Variants in CTNNA2 observed in about 807,000 individuals in gnomAD.
CTNNA2 encodes catenin alpha 2, also known as catenin alpha-2.
A neutral mutation model predicts 101.0 loss-of-function variants in CTNNA2; 42 were observed. The ratio of observed to expected loss-of-function variants is 0.42; its 90% CI spans 0.32 to 0.54. The LOEUF (loss-of-function observed/expected upper bound fraction) is 0.54, where lower values mean the gene tolerates loss of function less well. CTNNA2 is among the 20% of genes least tolerant of loss of function. The pLI, the probability that CTNNA2 is intolerant of heterozygous loss-of-function variation, is 0.14. For missense variants in CTNNA2, 871 were observed against 1,223.1 expected, an observed-to-expected ratio of 0.71 and a Z score of 4.29; for synonymous variants, 450 against 456.4, an observed-to-expected ratio of 0.99 and a Z score of 0.18.
intron 7 of CTNNA2, among the ~76,000 whole-genome samples, chr2:79,989,898 A>G (rs1289757795): frequency 2.0e-5 from 3 of 152,220 alleles, no homozygotes; most frequent in South Asian, 2.1e-4. Context: ...TGAACTAGAT[A>G]TCTATCTGCC....
rs369268407 is a variant in CTNNA2, at chr2:79,280,623, C to CTGTGTGTGTGTGTG, written c.-405-32066_-405-32053dup. Among the ~76,000 whole-genome samples the CTGTGTGTGTGTGTG allele has an allele frequency of 9.5e-3, 1,229 of 129,138 alleles. 27 individuals are homozygous for CTGTGTGTGTGTGTG. The highest frequency in any genetic ancestry group is 0.035 in the African/African-American group (1,141 of 32,762). 84.7% of individuals were successfully genotyped at this position (129,138 alleles called of 152,430 possible). A position where few individuals can be genotyped will look rare whatever the true frequency, so the allele number is the denominator to read the frequency against. On this transcript the variant is annotated intron_variant, in intron 2 of 21. Coordinates refer to the CTNNA2 transcript ENST00000466387. ...AGTTGCCCAGCATTCATCCTGTATG[C>CTGTGTGTGTGTGTG]TGTGTGTGTGTGTGTGTGTGTGTGT...
At chr2:79,382,849 C>T (rs1157824363) in intron 4 of CTNNA2, among the ~76,000 whole-genome samples, 4 of 152,118 alleles carry the variant, frequency 2.6e-5, no homozygotes, top group Non-Finnish European at 4.4e-5. Flanking sequence ...TTCCTGACTT[C>T]GTGATCCACC....
intron 7 of CTNNA2, among the ~76,000 whole-genome samples, chr2:79,969,780 T>C (rs1690345378): frequency 6.8e-6 from 1 of 147,232 alleles, no homozygotes; most frequent in African/African-American, 2.7e-5. Context: ...TTTATCTCTG[T>C]GTGTGATCAA....
chr2:79,518,035 A>C (rs1006607480), intron 1 of CTNNA2, among the ~76,000 whole-genome samples: 1 of 152,190 alleles, frequency 6.6e-6, no homozygotes, highest in Non-Finnish European at 1.5e-5. Context: ...ATGTATAACT[A>C]TCTGTTCAAT....
intron 2 of CTNNA2, among the ~76,000 whole-genome samples, chr2:79,668,246 CAAAAAAAAAAAAA>C (rs34348942): frequency 2.9e-5 from 2 of 69,310 alleles, no homozygotes; most frequent in African/African-American, 4.8e-5. Flanking sequence ...GACTCCGTCT[CAAAAAAAAAAAAA>C]AAAAAAAAAA....
At chr2:79,404,026 C>T (rs1242528023) in intron 4 of CTNNA2, among the ~76,000 whole-genome samples, 5 of 151,760 alleles carry the variant, frequency 3.3e-5, no homozygotes, top group Non-Finnish European at 5.9e-5. Flanking sequence ...GAGCTAGTTC[C>T]GTAGAATTTA....
rs1433101266 is a variant in CTNNA2 at position 79,965,925 on chromosome 2, A to T, written c.1056+56128A>T. ...AAACTGACAAGTTTTAATAATCAAG[A>T]TATTGGTATCTTGAAACATCTAAAA... On this transcript the variant is annotated intron_variant, in intron 7 of 18. Coordinates refer to ENST00000402739, the MANE Select transcript of CTNNA2 (RefSeq NM_001282597.3). Among the ~76,000 whole-genome samples the T allele has an allele frequency of 2.6e-5, 4 of 151,996 alleles. No individual in the cohort carries two copies. In the South Asian group the frequency reaches 8.3e-4, roughly 32 times the overall value.
chr2:79,479,986 A>C (rs1671091715), intron 4 of CTNNA2, among the ~76,000 whole-genome samples: 1 of 152,092 alleles, frequency 6.6e-6, no homozygotes, highest in African/African-American at 2.4e-5. Context: ...TATTTGGCTC[A>C]TGGTTTTGGA....
At chr2:80,636,917 A>G (rs1352288649) in intron 18 of CTNNA2, among the ~76,000 whole-genome samples, 1 of 152,132 alleles carries the variant, frequency 6.6e-6, no homozygotes, top group Admixed American at 6.6e-5. Flanking sequence ...TATTCCATCT[A>G]AAGGATTCAG....
chr2:80,156,725 T>A (rs1212793815), intron 7 of CTNNA2, among the ~76,000 whole-genome samples: 1 of 152,198 alleles, frequency 6.6e-6, no homozygotes, highest in Non-Finnish European at 1.5e-5. Context: ...CACAGACAGG[T>A]GGTGGGTACC....
intron 9 of CTNNA2, among the ~76,000 whole-genome samples, chr2:80,531,259 C>G (rs904147554): frequency 1.3e-5 from 2 of 152,152 alleles, no homozygotes; most frequent in African/African-American, 2.4e-5. Flanking sequence ...CGGGCAGTAA[C>G]CATTGCAGTG....
rs114134950 is a variant in CTNNA2 at position 80,456,413 on chromosome 2, T to C, written c.1290+36812T>C. 8.1e-3 allele frequency among the ~76,000 whole-genome samples: 1,239 copies of C among 152,276 alleles called. 19 individuals carry two copies. Among genetic ancestry groups the C allele is most frequent in the African/African-American group, 0.029 (1,185 of 41,548 alleles). ...ACCAGCAATACTGCAACTGATGTAG[T>C]CTCAGTACATTTGGGTGGACTGGGG... is the stretch of plus-strand genomic sequence containing the variant. On this transcript the variant is annotated intron_variant, in intron 9 of 18. Transcript: ENST00000402739.
intron 2 of CTNNA2, among the ~76,000 whole-genome samples, chr2:79,693,615 A>G (rs1223038757): frequency 6.6e-6 from 1 of 151,976 alleles, no homozygotes; most frequent in Non-Finnish European, 1.5e-5. Flanking sequence ...TAGGGTGGGT[A>G]GGAATCGTGT....
At chr2:79,467,844 T>C (rs1372254757) in intron 4 of CTNNA2, among the ~76,000 whole-genome samples, 1 of 152,178 alleles carries the variant, frequency 6.6e-6, no homozygotes, top group East Asian at 1.9e-4. Context: ...TTTTTGTCAC[T>C]ACCAGGCTTG....
chr2:79,987,447 C>A (rs1691848413), intron 7 of CTNNA2, among the ~76,000 whole-genome samples: 1 of 152,124 alleles, frequency 6.6e-6, no homozygotes. Flanking sequence ...TGACCTTGGG[C>A]AAGTTAATCT....
At chr2:79,199,903 A>G (rs1674010104) in intron 2 of CTNNA2, among the ~76,000 whole-genome samples, 1 of 152,206 alleles carries the variant, frequency 6.6e-6, no homozygotes, top group Admixed American at 6.5e-5. Flanking sequence ...ACCATAACGG[A>G]AATCTAATTC....
At chr2:79,442,388 C>A (rs919586880) in intron 4 of CTNNA2, among the ~76,000 whole-genome samples, 1 of 152,128 alleles carries the variant, frequency 6.6e-6, no homozygotes, top group Non-Finnish European at 1.5e-5. Context: ...TCTAGTTGAA[C>A]TTGTCTAGGC....
chr2:79,325,145 G>A (rs1242138179), intron 3 of CTNNA2, among the ~76,000 whole-genome samples: 2 of 152,142 alleles, frequency 1.3e-5, no homozygotes, highest in South Asian at 2.1e-4. Context: ...ACACATAGGA[G>A]AGAGAGTGTA....
At chr2:79,710,387 A>G (rs1511186) in intron 2 of CTNNA2, among the ~76,000 whole-genome samples, 50,008 of 152,034 alleles carry the variant, frequency 0.33, 9,875 homozygotes, top group East Asian at 0.6. Flanking sequence ...AAACCTTTAT[A>G]AGAAAGTGCT....
Sources: allele counts gnomAD v4.1 joint callset (sites outside exome capture counted in the v4.1 genomes callset), GRCh38; gene constraint gnomAD v4.1.1; transcripts MANE v1.5; gene names NCBI Gene and HGNC (gene_info 2026-07-23, HGNC 2026-07-21).